ADA2: variants seen among roughly 807,000 people sequenced by gnomAD.
ADA2 encodes adenosine deaminase 2, also known as adenosine deaminase CECR1.
In ADA2, 29 loss-of-function variants were observed where a neutral mutation model predicts 44.2. The observed-to-expected ratio is 0.66, with a 90% confidence interval of 0.49 to 0.89. The LOEUF (loss-of-function observed/expected upper bound fraction) is 0.89. Ranked by LOEUF, ADA2 falls within the 40% of genes least tolerant of loss-of-function variation. ADA2 has a pLI of 0.00. For synonymous variants in ADA2, 215 were observed against 234.9 expected (o/e 0.92, Z 0.77); for missense variants, 637 against 644.8 (o/e 0.99, Z 0.13).
intron 5 of ADA2, among the ~76,000 whole-genome samples, chr22:17,190,832 C>G (rs1298408843): frequency 6.6e-6 from 1 of 152,156 alleles, no homozygotes; most frequent in East Asian, 1.9e-4. Context: ...CTGCAAGCTC[C>G]CTCCTAGGGG....
chr22:17,199,428 T>TCCTCTATCCACTTCCCCTCCCTCCCCA, intron 4 of ADA2: 1 of 867,052 alleles, frequency 1.2e-6, no homozygotes, highest in Admixed American at 1.8e-5. Flanking sequence ...CTCCCTCCCC[T>TCCTCTATCCACTTCCCCTCCCTCCCCA]CCTCTATCCT....
At chr22:17,200,056 G>A (rs146246002) in intron 4 of ADA2, among the ~76,000 whole-genome samples, 2 of 152,278 alleles carry the variant, frequency 1.3e-5, no homozygotes, top group South Asian at 2.1e-4. Flanking sequence ...TTAGCTGAGT[G>A]CGGTGGTGTA....
intron 3 of ADA2, among the ~76,000 whole-genome samples, chr22:17,205,687 T>C (rs979089392): frequency 2.0e-5 from 3 of 152,192 alleles, no homozygotes; most frequent in Non-Finnish European, 2.9e-5. Flanking sequence ...AATATTACTA[T>C]ACAATGCCAG....
At chr22:17,186,453 G>A (rs1267197223) in intron 7 of ADA2, among the ~76,000 whole-genome samples, 1 of 151,488 alleles carries the variant, frequency 6.6e-6, no homozygotes, top group Non-Finnish European at 1.5e-5. Flanking sequence ...GTGTTGGTGG[G>A]CGCCTGTAAT....
intron 4 of ADA2, among the ~76,000 whole-genome samples, chr22:17,198,038 C>CAA (rs35766953): frequency 5.5e-4 from 59 of 107,102 alleles, no homozygotes; most frequent in South Asian, 3.6e-3. Flanking sequence ...AACTCCGTCT[C>CAA]AAAAAAAAAA....
intron 4 of ADA2, chr22:17,199,545 C>T (rs769883211): frequency 6.2e-7 from 1 of 1,602,838 alleles, no homozygotes; most frequent in African/African-American, 1.4e-5. Context: ...AAGTTCTCCC[C>T]TACCAGAGCC....
rs1399061153 is a variant in ADA2, at chr22:17,189,941, C to G, written c.972+1G>C. Reference sequence around the variant, plus strand: ...GCCCTTCTGTTCACAGCATGGGTTACCAGGTCAAACCCTGCCACCACCGTG... The same window carrying G: ...GCCCTTCTGTTCACAGCATGGGTTAGCAGGTCAAACCCTGCCACCACCGTG... On this transcript the variant is annotated splice_donor_variant, in intron 6 of 9. Coordinates refer to ENST00000399837, the MANE Select transcript of ADA2 (RefSeq NM_001282225.2). LOFTEE classifies it high-confidence loss of function. 6.2e-7 allele frequency: 1 copy of G among 1,610,300 alleles called. No individual in the cohort carries two copies. Among genetic ancestry groups the G allele is most frequent in the African/African-American group, 1.3e-5 (1 of 74,852 alleles).
At chr22:17,182,051 T>G in intron 8 of ADA2, 29 bp from the exon 9 acceptor site, 1 of 1,561,464 alleles carries the variant, frequency 6.4e-7, no homozygotes, top group Non-Finnish European at 8.8e-7. Context: ...GGGAGAAAGA[T>G]GAACTCTGAT....
intron 1 of ADA2, among the ~76,000 whole-genome samples, chr22:17,215,511 C>A (rs1392909389): frequency 6.6e-6 from 1 of 151,326 alleles, no homozygotes; most frequent in African/African-American, 2.4e-5. Flanking sequence ...GAGGCTGAGG[C>A]AGGAGAATTG....
chr22:17,183,667 G>T (rs867630045), intron 7 of ADA2, among the ~76,000 whole-genome samples: 2 of 150,846 alleles, frequency 1.3e-5, no homozygotes, highest in Non-Finnish European at 3.0e-5. Context: ...TCACCATGTC[G>T]GCCAGGCCGG....
At chr22:17,193,111 G>A (rs957115279) in intron 4 of ADA2, 8 of 1,292,062 alleles carry the variant, frequency 6.2e-6, no homozygotes, top group African/African-American at 4.4e-5. Context: ...CAAAGAACAC[G>A]CTGCCCAGTG....
rs192030663 is a variant in ADA2 at position 17,192,147 on chromosome 22, A to T, written c.754-337T>A. On this transcript the variant is annotated intron_variant, in intron 4 of 9. Transcript: ENST00000399837. ...GGCTGGACTTGTGCTTCCCTTGTTC[A>T]GGTCCTCTACGGCCTTGGGCATTGT... Among the ~76,000 whole-genome samples, 12 of 152,196 alleles carry T rather than the reference A, an allele frequency of 7.9e-5. No homozygotes were observed. The East Asian group carries it at 2.3e-3, about 29-fold the overall frequency.
Position 17,181,269 on chromosome 22 carries a change from G to C in ADA2, c.*214C>G, listed in dbSNP as rs181507710. On this transcript the variant is annotated 3_prime_UTR_variant, in exon 10 of 10. Coordinates refer to ENST00000399837, the MANE Select transcript of ADA2 (RefSeq NM_001282225.2). ...ATAGGGAAACTGGAAGAAATGGCCA[G>C]AGACAGGAGAAAACCAAGAGGGTCA... 1 of 550,630 alleles carries C rather than the reference G, an allele frequency of 1.8e-6. No homozygotes were observed. The highest frequency in any genetic ancestry group is 3.2e-5 in the East Asian group (1 of 31,244). 34.1% of individuals were successfully genotyped at this position (550,630 alleles called of 1,614,324 possible). A position where few individuals can be genotyped will look rare whatever the true frequency, so the allele number is the denominator to read the frequency against.
chr22:17,199,777 C>A (rs1458033731), intron 4 of ADA2: 2 of 1,432,096 alleles, frequency 1.4e-6, no homozygotes, highest in East Asian at 5.1e-5. Flanking sequence ...GCTTTAGTTT[C>A]GACATCAATA....
intron 4 of ADA2, among the ~76,000 whole-genome samples, chr22:17,196,987 AC>A (rs1188069325): frequency 3.9e-5 from 6 of 152,212 alleles, no homozygotes; most frequent in African/African-American, 1.4e-4. Context: ...AGCCTGGCCA[AC>A]ATGGCGAAAC....
chr22:17,199,621 G>C lies in ADA2; in HGVS notation c.753+3942C>G, dbSNP rs756117086. The C allele has an allele frequency of 1.9e-6, 3 of 1,613,908 alleles. No homozygotes were observed. The Admixed American group carries it at 5.0e-5, about 27-fold the overall frequency. ...GAAAATTGAAGCCAGATGCTCTCTG[G>C]GATCGCCATTTGAGGTGGGCGTGGC... On this transcript the variant is annotated intron_variant, in intron 4 of 9. Coordinates refer to ENST00000399837, the MANE Select transcript of ADA2 (RefSeq NM_001282225.2).
chr22:17,200,188 C>G (rs1038847774), intron 4 of ADA2, among the ~76,000 whole-genome samples: 3 of 150,102 alleles, frequency 2.0e-5, no homozygotes, highest in African/African-American at 7.4e-5. Flanking sequence ...CAGAATGTCT[C>G]AAAAACAACA....
rs1568995049 is a variant in ADA2 at position 17,219,376 on chromosome 22, T to C, written c.-67A>G. 6.6e-6 allele frequency: 1 copy of C among 152,188 alleles called. No homozygotes were observed. Among genetic ancestry groups the C allele is most frequent in the Non-Finnish European group, 1.5e-5 (1 of 68,086 alleles). 9.4% of individuals were successfully genotyped at this position (152,188 alleles called of 1,614,324 possible). A position where few individuals can be genotyped will look rare whatever the true frequency, so the allele number is the denominator to read the frequency against. On this transcript the variant is annotated 5_prime_UTR_variant, in exon 1 of 10. Coordinates refer to ENST00000399837, the MANE Select transcript of ADA2 (RefSeq NM_001282225.2). ...GTTACCTCGGAACAGCTCCAGAAACTGAGGGCTGTTTGCTCAGCGCCCCAG... is the reference window on the plus strand; with the variant it reads ...GTTACCTCGGAACAGCTCCAGAAACCGAGGGCTGTTTGCTCAGCGCCCCAG...
intron 1 of ADA2, chr22:17,213,696 G>A (rs939564655): frequency 1.2e-5 from 3 of 245,212 alleles, no homozygotes; most frequent in African/African-American, 4.7e-5. Context: ...CCCGGCCCGC[G>A]CAGCCTTTGA....
Sources: allele counts gnomAD v4.1 joint callset (sites outside exome capture counted in the v4.1 genomes callset), GRCh38; gene constraint gnomAD v4.1.1; transcripts MANE v1.5; gene names NCBI Gene and HGNC (gene_info 2026-07-23, HGNC 2026-07-21).